PCIF1: variants seen among roughly 807,000 people sequenced by gnomAD.
PCIF1 encodes the protein phosphorylated CTD interacting factor 1.
In PCIF1, 12 loss-of-function variants were observed where a neutral mutation model predicts 86.9. The observed-to-expected ratio is 0.14, with a 90% CI of 0.09 to 0.22. The LOEUF is 0.22. PCIF1 is among the 10% of genes least tolerant of loss of function. The pLI is 1.00. For synonymous variants in PCIF1, 397 were observed against 372.0 expected, an observed-to-expected ratio of 1.07 and a Z score of -0.77; for missense variants, 701 against 951.1, an observed-to-expected ratio of 0.74 and a Z score of 3.46.
chr20:45,941,451 T>TTTTA (rs545382957), intron 7 of PCIF1, among the ~76,000 whole-genome samples: 1 of 152,224 alleles, frequency 6.6e-6, no homozygotes, highest in African/African-American at 2.4e-5. Context: ...TAGTTTTTAA[T>TTTTA]TTTATTTATT....
chr20:45,947,258 C>T lies in PCIF1; in HGVS notation c.1708-5C>T, dbSNP rs1015356269. 2 of 1,609,016 alleles carry T rather than the reference C, an allele frequency of 1.2e-6. No homozygotes were observed. The highest frequency in any genetic ancestry group is 1.7e-6 in the Non-Finnish European group (2 of 1,176,230). ...CTGACATCCACCCTGTGTCCCCTTC[C>T]ACAGAGACTGCTTGAGAGCTCACCG... On this transcript the variant is annotated splice_polypyrimidine_tract_variant and splice_region_variant and intron_variant, in intron 15 of 16. Coordinates refer to ENST00000372409, the MANE Select transcript of PCIF1 (RefSeq NM_022104.4). This position sits in a 1 kb window ranked among gnomAD's most constrained non-coding sequence, Gnocchi z 5.4.
chr20:45,945,980 A>G, intron 12 of PCIF1, 49 bp from the exon 13 acceptor site: 1 of 1,613,282 alleles, frequency 6.2e-7, no homozygotes, highest in East Asian at 2.2e-5. Flanking sequence ...AGTGATGAGG[A>G]CATGAGGGAG....
chr20:45,939,437 T>A lies in PCIF1; in HGVS notation c.249+98T>A, dbSNP rs745973205. On this transcript the variant is annotated intron_variant, in intron 4 of 16. Transcript: ENST00000372409. The stretch of plus-strand genomic sequence containing the variant: ...AGCAGCCGTTCAGTGCCCAGCCCTG[T>A]GCTGGCACCTGCAGATACAATGACA... 1,163 of 1,515,384 alleles carry A rather than the reference T, an allele frequency of 7.7e-4. 2 individuals carry two copies. Among genetic ancestry groups the A allele is most frequent in the Middle Eastern group, 1.1e-3 (5 of 4,658 alleles). 93.9% of individuals were successfully genotyped at this position (1,515,384 alleles called of 1,614,324 possible).
At chr20:45,941,463 A>AT (rs1342200972) in intron 7 of PCIF1, among the ~76,000 whole-genome samples, 4 of 151,874 alleles carry the variant, frequency 2.6e-5, no homozygotes, top group African/African-American at 7.2e-5. Context: ...TTATTTATTT[A>AT]TTTTTTTTGA....
In PCIF1 at chr20:45,943,215, T is replaced by G; in HGVS notation, c.792T>G (p.Phe264Leu). The change falls in exon 8 of 17, where the codon TTT (phenylalanine) becomes TTG (leucine). Residue 264 changes from phenylalanine to leucine, a missense_variant. Around this residue, in one of 7 missense-constraint regions of PCIF1, gnomAD observed 129 missense variants for 245.9 expected, o/e 0.52. Coordinates refer to ENST00000372409, the MANE Select transcript of PCIF1 (RefSeq NM_022104.4). This position sits in a 1 kb window ranked among gnomAD's most constrained non-coding sequence, Gnocchi z 5.5. ...AACCAGTCGTGTCACCTTCCATGTT[T>G]CGTGAAATCATGAACGACATTCCTA... The part of the protein sequence containing the change: ...NCEPVVSPSM[F>L]REIMNDIPIR... 6.2e-7 allele frequency: 1 copy of G among 1,614,156 alleles called. No homozygotes were observed.
chr20:45,941,290 G>C, intron 7 of PCIF1, 83 bp downstream of exon 7: 2 of 1,493,756 alleles, frequency 1.3e-6, no homozygotes, highest in Non-Finnish European at 1.8e-6. Flanking sequence ...TTTGGGGATG[G>C]CGGAGTGGGG....
intron 1 of PCIF1, 128 bp from the exon 2 acceptor site, chr20:45,937,290 A>C: frequency 5.1e-6 from 2 of 390,074 alleles, no homozygotes. Context: ...CATCCCCTGT[A>C]TTCCCTCATC....
Position 45,946,132 on chromosome 20 carries a change from G to T in PCIF1, c.1428+17G>T, listed in dbSNP as rs1223990154. 1 of 1,614,172 alleles carries T rather than the reference G, an allele frequency of 6.2e-7. No homozygotes were observed. On this transcript the variant is annotated intron_variant, in intron 13 of 16. Coordinates refer to ENST00000372409, the MANE Select transcript of PCIF1 (RefSeq NM_022104.4). ...CGGTACCAGGTACAGGCCTGGGGCA[G>T]CAGGGAGGGCTCCCCAGGAGGGAAC...
At chr20:45,934,825 T>C (rs1743997306) in intron 1 of PCIF1, 21 bp downstream of exon 1, 1 of 397,892 alleles carries the variant, frequency 2.5e-6, no homozygotes, top group Non-Finnish European at 4.4e-6. Context: ...CAGGAAGCCA[T>C]GGTCCCGCAG....
rs1214844087 is a variant in PCIF1 at position 45,938,971 on chromosome 20, T to C, written c.-19-10T>C. The C allele has an allele frequency of 3.1e-6, 5 of 1,613,250 alleles. No individual in the cohort carries two copies. In the Admixed American group the frequency reaches 8.3e-5, roughly 27 times the overall value. ...GTGGAGCTGACACTCTTTGGTCCTC[T>C]GTGTGGCAGGTCCTGTGTGGGTGTG... is the stretch of plus-strand genomic sequence containing the variant. On this transcript the variant is annotated splice_polypyrimidine_tract_variant and intron_variant, in intron 2 of 16. Transcript: ENST00000372409.
In PCIF1 at chr20:45,947,788, G is replaced by A. The variant is rs756297679; in HGVS notation, c.*33G>A. The A allele has an allele frequency of 1.3e-6, 2 of 1,585,964 alleles. No individual in the cohort carries two copies. The highest frequency in any genetic ancestry group is 1.7e-6 in the Non-Finnish European group (2 of 1,172,688). ...TGCGGGGAGGAGGAGCCCCAGGGGT[G>A]CTAGTCTGGACTGCTGGGACTCGGG... On this transcript the variant is annotated 3_prime_UTR_variant, in exon 17 of 17. Transcript: ENST00000372409. This position sits in a 1 kb window ranked among gnomAD's most constrained non-coding sequence, Gnocchi z 5.4.
At chr20:45,941,960 C>CTT (rs74176836) in intron 7 of PCIF1, among the ~76,000 whole-genome samples, 129 of 136,640 alleles carry the variant, frequency 9.4e-4, no homozygotes, top group Non-Finnish European at 1.8e-3. Context: ...GGCCTTTCAC[C>CTT]TTTTTTTTTT....
Position 45,943,500 on chromosome 20 carries a change from A to C in PCIF1, c.905+77A>C. On this transcript the variant is annotated intron_variant, in intron 9 of 16. Transcript: ENST00000372409. The surrounding 1 kb of genome is among the most constrained non-coding windows in gnomAD (Gnocchi z 5.5). ...GTCATAGGCCATCTTGCCCAGTCTC[A>C]TGCAGGGCTGTCATTGCTCTCGGTG... 1 of 1,454,970 alleles carries C rather than the reference A, an allele frequency of 6.9e-7. No homozygotes were observed. The highest frequency in any genetic ancestry group is 9.5e-7 in the Non-Finnish European group (1 of 1,052,018). 90.1% of individuals were successfully genotyped at this position (1,454,970 alleles called of 1,614,324 possible).
At chr20:45,938,882 G>C (rs1428871205) in intron 2 of PCIF1, 99 bp from the exon 3 acceptor site, 4 of 1,502,552 alleles carry the variant, frequency 2.7e-6, no homozygotes, top group Non-Finnish European at 3.6e-6. Context: ...GACCTGATTG[G>C]ATTTCTCCAC....
intron 1 of PCIF1, 47 bp downstream of exon 1, chr20:45,934,851 T>G (rs2083402513): frequency 2.5e-6 from 1 of 397,908 alleles, no homozygotes; most frequent in Non-Finnish European, 4.4e-6. Flanking sequence ...CGCGCCAGGG[T>G]CTGGGGATCC....
At position 45,940,920 on chromosome 20, in the gene PCIF1, G is replaced by T; in HGVS notation, c.499G>T (p.Ala167Ser). The T allele has an allele frequency of 6.2e-7, 1 of 1,614,150 alleles. No homozygotes were observed. The highest frequency in any genetic ancestry group is 1.3e-5 in the African/African-American group (1 of 75,046). ...GTSPEDKQQA[A>S]LLRPTEVYWD... Reference sequence around the variant, plus strand: ...GTCCCCTGAAGATAAACAGCAGGCAGCTCTCCTACGACCCACTGAGTGAGT... The same window carrying T: ...GTCCCCTGAAGATAAACAGCAGGCATCTCTCCTACGACCCACTGAGTGAGT... The change falls in exon 6 of 17, where the codon GCT (alanine) becomes TCT (serine). Residue 167 changes from alanine to serine, a missense_variant. Coordinates refer to ENST00000372409, the MANE Select transcript of PCIF1 (RefSeq NM_022104.4).
intron 12 of PCIF1, 27 bp from the exon 13 acceptor site, chr20:45,946,002 G>C (rs779221500): frequency 6.8e-6 from 11 of 1,613,722 alleles, no homozygotes; most frequent in East Asian, 2.2e-5. Flanking sequence ...ACTGCTGAAG[G>C]CTCCTCCTCT....
At chr20:45,944,799 G>C (rs950585123) in intron 10 of PCIF1, 69 bp from the exon 11 acceptor site, 1 of 1,534,894 alleles carries the variant, frequency 6.5e-7, no homozygotes, top group African/African-American at 1.4e-5. Context: ...ACAGCCCTGC[G>C]GTTACCTGCC....
At position 45,946,126 on chromosome 20, in the gene PCIF1, G is replaced by A; in HGVS notation, c.1428+11G>A. ...CTCCGACGGTACCAGGTACAGGCCT[G>A]GGGCAGCAGGGAGGGCTCCCCAGGA... On this transcript the variant is annotated intron_variant, in intron 13 of 16. Coordinates refer to ENST00000372409, the MANE Select transcript of PCIF1 (RefSeq NM_022104.4). 1 of 1,614,170 alleles carries A rather than the reference G, an allele frequency of 6.2e-7. No individual in the cohort carries two copies. Among genetic ancestry groups the A allele is most frequent in the East Asian group, 2.2e-5 (1 of 44,884 alleles).
Sources: allele counts gnomAD v4.1 joint callset (sites outside exome capture counted in the v4.1 genomes callset), GRCh38; gene constraint gnomAD v4.1.1; regional missense constraint gnomAD v4.1.1; non-coding constraint Gnocchi (gnomAD v3.1); transcripts MANE v1.5; gene names NCBI Gene and HGNC (gene_info 2026-07-23, HGNC 2026-07-21).